Variants in TMC1 observed in about 807,000 individuals in gnomAD.
TMC1 encodes transmembrane channel like 1.
A neutral mutation model predicts 105.8 loss-of-function variants in TMC1; 84 were observed. The ratio of observed to expected loss-of-function variants is 0.79; its 90% CI spans 0.67 to 0.95. TMC1 has a LOEUF of 0.95. TMC1 is among the 40% of genes least tolerant of loss of function. The probability of loss-of-function intolerance (pLI) is 0.00; values close to 1 mark genes in which losing one functional copy is unlikely to be tolerated. For synonymous variants in TMC1, 315 were observed against 311.5 expected, an observed-to-expected ratio of 1.01 and a Z score of -0.12; for missense variants, 817 against 914.1, an observed-to-expected ratio of 0.89 and a Z score of 1.37.
At chr9:72,724,210 G>GA in intron 8 of TMC1, among the ~76,000 whole-genome samples, 1 of 152,280 alleles carries the variant, frequency 6.6e-6, no homozygotes, top group South Asian at 2.1e-4. Flanking sequence ...TATAAAGAAA[G>GA]GAAATTTATT....
At chr9:72,528,675 AC>A (rs1823447233) in intron 1 of TMC1, among the ~76,000 whole-genome samples, 1 of 151,818 alleles carries the variant, frequency 6.6e-6, no homozygotes, top group Admixed American at 6.6e-5. Context: ...ATGGACTAAA[AC>A]CCCCATCCTC....
intron 19 of TMC1, among the ~76,000 whole-genome samples, chr9:72,819,308 A>G (rs1828834898): frequency 6.6e-6 from 1 of 152,190 alleles, no homozygotes; most frequent in African/African-American, 2.4e-5. Context: ...AAGTGATGTC[A>G]CCACCTGATT....
chr9:72,785,453 TTTCC>T (rs201550084), intron 13 of TMC1, among the ~76,000 whole-genome samples: 2,596 of 152,342 alleles, frequency 0.017, 41 homozygotes, highest in South Asian at 0.046. Flanking sequence ...ATGATTTTCT[TTTCC>T]TTCCTTATTA....
intron 8 of TMC1, among the ~76,000 whole-genome samples, chr9:72,726,097 T>C (rs1475808669): frequency 6.6e-6 from 1 of 152,126 alleles, no homozygotes; most frequent in Admixed American, 6.5e-5. Context: ...ATCACAAATA[T>C]CATAACAAAT....
At chr9:72,538,729 T>G (rs939367996) in intron 1 of TMC1, among the ~76,000 whole-genome samples, 2 of 152,208 alleles carry the variant, frequency 1.3e-5, no homozygotes, top group Non-Finnish European at 2.9e-5. Flanking sequence ...ATTACAGGCA[T>G]GAGCCACCAC....
intron 5 of TMC1, among the ~76,000 whole-genome samples, chr9:72,676,448 C>A (rs1388924254): frequency 6.6e-6 from 1 of 152,148 alleles, no homozygotes; most frequent in Non-Finnish European, 1.5e-5. Context: ...CTGTACCAGG[C>A]ACTGTATTGA....
At chr9:72,685,100 CTT>C (rs71359515) in intron 5 of TMC1, among the ~76,000 whole-genome samples, 6,814 of 90,540 alleles carry the variant, frequency 0.075, 79 homozygotes, top group Non-Finnish European at 0.09. Flanking sequence ...TAAAGTCATT[CTT>C]TTTTTTTTTT....
Position 72,807,178 on chromosome 9 carries a change from G to A in TMC1, c.1695+1668G>A, listed in dbSNP as rs531750318. On this transcript the variant is annotated intron_variant, in intron 18 of 23. Coordinates refer to ENST00000297784, the MANE Select transcript of TMC1 (RefSeq NM_138691.3). ...TCAGTCAGGAGAATCAGGCAGGGAGGTTGCAGTGAGCCGAGATGGCAGCAG... is the reference window on the plus strand; with the variant it reads ...TCAGTCAGGAGAATCAGGCAGGGAGATTGCAGTGAGCCGAGATGGCAGCAG... Among the ~76,000 whole-genome samples, 38 of 152,360 alleles carry A rather than the reference G, an allele frequency of 2.5e-4. No homozygotes were observed. In the South Asian group the frequency reaches 7.9e-3, roughly 32 times the overall value.
intron 5 of TMC1, among the ~76,000 whole-genome samples, chr9:72,686,755 A>G (rs148992368): frequency 6.6e-6 from 1 of 152,170 alleles, no homozygotes; most frequent in Non-Finnish European, 1.5e-5. Flanking sequence ...CCATGCACAG[A>G]CCAGAATCAC....
chr9:72,790,201 A>G (rs945511218), intron 15 of TMC1, among the ~76,000 whole-genome samples: 4 of 152,134 alleles, frequency 2.6e-5, no homozygotes, highest in Non-Finnish European at 4.4e-5. Context: ...CCACACTGAA[A>G]CTTTTGCAGA....
chr9:72,657,824 C>T (rs936601075), intron 5 of TMC1, among the ~76,000 whole-genome samples: 2 of 152,172 alleles, frequency 1.3e-5, no homozygotes, highest in African/African-American at 2.4e-5. Context: ...TGAAAAGTAT[C>T]GCTATGCAGA....
At chr9:72,657,296 A>G (rs1277602774) in intron 5 of TMC1, among the ~76,000 whole-genome samples, 2 of 152,114 alleles carry the variant, frequency 1.3e-5, no homozygotes, top group Admixed American at 1.3e-4. Flanking sequence ...GGGTCATCTC[A>G]TTTCCTTCCC....
intron 2 of TMC1, among the ~76,000 whole-genome samples, chr9:72,605,172 C>G (rs377348184): frequency 6.6e-6 from 1 of 152,154 alleles, no homozygotes; most frequent in East Asian, 1.9e-4. Context: ...CAAATCACTG[C>G]TCATCATATT....
chr9:72,735,838 C>A (rs1331520786), intron 8 of TMC1, among the ~76,000 whole-genome samples: 3 of 152,122 alleles, frequency 2.0e-5, no homozygotes, highest in African/African-American at 7.2e-5. Flanking sequence ...TCTTGCTAAA[C>A]AAATATTCTT....
chr9:72,640,497 C>T (rs1825607956), intron 4 of TMC1, among the ~76,000 whole-genome samples: 1 of 152,192 alleles, frequency 6.6e-6, no homozygotes, highest in Admixed American at 6.5e-5. Context: ...ATAGTTATTC[C>T]AGTGCCAATC....
intron 5 of TMC1, among the ~76,000 whole-genome samples, chr9:72,684,335 T>C (rs1462686074): frequency 2.6e-5 from 4 of 152,190 alleles, no homozygotes; most frequent in African/African-American, 9.6e-5. Context: ...TCAATATCTC[T>C]ACATTGTCAA....
At chr9:72,661,485 T>C (rs779349687) in intron 5 of TMC1, among the ~76,000 whole-genome samples, 15 of 152,214 alleles carry the variant, frequency 9.9e-5, no homozygotes, top group South Asian at 4.1e-4. Context: ...TTGCTTATCA[T>C]CACTCTGCTC....
chr9:72,625,451 G>A (rs1285786748), intron 3 of TMC1, among the ~76,000 whole-genome samples: 1 of 152,104 alleles, frequency 6.6e-6, no homozygotes, highest in East Asian at 1.9e-4. Flanking sequence ...CACTTTGGGA[G>A]GCCGAGGCAG....
intron 2 of TMC1, among the ~76,000 whole-genome samples, chr9:72,600,109 T>G (rs563679558): frequency 2.8e-4 from 42 of 152,248 alleles, no homozygotes; most frequent in African/African-American, 9.6e-4. Context: ...AAGGAAGCCA[T>G]TTAAGTCTTT....
Sources: allele counts gnomAD v4.1 joint callset (sites outside exome capture counted in the v4.1 genomes callset), GRCh38; gene constraint gnomAD v4.1.1; transcripts MANE v1.5; gene names NCBI Gene and HGNC (gene_info 2026-07-23, HGNC 2026-07-21).